Variants in SLC35F4 observed in about 807,000 individuals in gnomAD.
SLC35F4 encodes the protein chromosome 14 open reading frame 36.
SLC35F4 carries 24 observed loss-of-function variants against 44.2 expected under a neutral mutation model. That is an observed-to-expected ratio of 0.54 (90% CI 0.39 to 0.76). The LOEUF (loss-of-function observed/expected upper bound fraction) is 0.76. SLC35F4 is among the 30% of genes least tolerant of loss of function. The pLI is 0.00. For synonymous variants in SLC35F4, 238 were observed against 223.6 expected, an observed-to-expected ratio of 1.06 and a Z score of -0.57; for missense variants, 562 against 586.1, an observed-to-expected ratio of 0.96 and a Z score of 0.42.
At chr14:57,930,589 G>A (rs1189518078) in intron 1 of SLC35F4, among the ~76,000 whole-genome samples, 3 of 152,114 alleles carry the variant, frequency 2.0e-5, no homozygotes, top group Non-Finnish European at 2.9e-5. Context: ...CCAGATAAAT[G>A]TTTGGGTTTT....
chr14:57,858,942 A>AT (rs1376057295), intron 1 of SLC35F4, among the ~76,000 whole-genome samples: 4 of 151,500 alleles, frequency 2.6e-5, no homozygotes, highest in African/African-American at 7.3e-5. Flanking sequence ...CTAAAAAAAA[A>AT]AAAAAAAAAT....
chr14:57,913,565 C>T (rs1889258435), intron 1 of SLC35F4, among the ~76,000 whole-genome samples: 2 of 152,056 alleles, frequency 1.3e-5, no homozygotes, highest in Non-Finnish European at 2.9e-5. Context: ...TGTAATCTAT[C>T]GCAGCATAAT....
chr14:57,778,160 G>C (rs1393117346), intron 1 of SLC35F4, among the ~76,000 whole-genome samples: 1 of 152,166 alleles, frequency 6.6e-6, no homozygotes, highest in Non-Finnish European at 1.5e-5. Flanking sequence ...CTCTTTGCCT[G>C]CTGTCATCCA....
chr14:57,881,736 G>A (rs1320545177), intron 1 of SLC35F4, among the ~76,000 whole-genome samples: 1 of 152,098 alleles, frequency 6.6e-6, no homozygotes, highest in African/African-American at 2.4e-5. Context: ...TCTTTATTTT[G>A]TCTGACTAAT....
intron 1 of SLC35F4, among the ~76,000 whole-genome samples, chr14:57,807,398 G>A (rs571191516): frequency 1.4e-4 from 21 of 151,926 alleles, no homozygotes; most frequent in Non-Finnish European, 1.9e-4. Flanking sequence ...AGCCAAAGCC[G>A]TTGCCTCCCT....
chr14:57,779,780 C>A (rs942031725), intron 1 of SLC35F4, among the ~76,000 whole-genome samples: 2 of 151,776 alleles, frequency 1.3e-5, no homozygotes, highest in Admixed American at 1.3e-4. Flanking sequence ...GGTTCAACAC[C>A]AATAAAATCG....
At position 57,707,830 on chromosome 14, in the gene SLC35F4, C is replaced by A. The variant is rs187038601; in HGVS notation, c.104-113706G>T. On this transcript the variant is annotated intron_variant, in intron 1 of 7. Transcript: ENST00000556826. The stretch of plus-strand genomic sequence containing the variant: ...AGGAAATTATGACAGTGAAAGAAAC[C>A]AGACCTAACTGATTCCATCTTGCTT... Among the ~76,000 whole-genome samples, 231 of 152,266 alleles carry A rather than the reference C, an allele frequency of 1.5e-3. 1 individual carries two copies. Among genetic ancestry groups the A allele is most frequent in the African/African-American group, 5.1e-3 (211 of 41,550 alleles).
At chr14:57,781,539 T>C (rs1399642771) in intron 1 of SLC35F4, among the ~76,000 whole-genome samples, 5 of 152,192 alleles carry the variant, frequency 3.3e-5, no homozygotes. Flanking sequence ...GAGCTCATAT[T>C]TGACCCAGCA....
intron 1 of SLC35F4, among the ~76,000 whole-genome samples, chr14:57,913,792 A>C (rs67969797): frequency 0.26 from 39,202 of 152,096 alleles, 5,192 homozygotes; most frequent in East Asian, 0.41. Flanking sequence ...CTTTATGTAC[A>C]TCTGAGTTTC....
chr14:57,655,452 G>C (rs2073935879), intron 1 of SLC35F4, among the ~76,000 whole-genome samples: 1 of 152,070 alleles, frequency 6.6e-6, no homozygotes, highest in Non-Finnish European at 1.5e-5. Flanking sequence ...GGGCTTCCCT[G>C]TCCTCAGCGC....
At chr14:57,670,061 G>T (rs543470612) in intron 1 of SLC35F4, among the ~76,000 whole-genome samples, 1 of 152,134 alleles carries the variant, frequency 6.6e-6, no homozygotes, top group Non-Finnish European at 1.5e-5. Context: ...AGTCTTGGGA[G>T]AGTGTATGTG....
intron 1 of SLC35F4, among the ~76,000 whole-genome samples, chr14:57,741,633 G>A (rs1164897433): frequency 6.6e-6 from 1 of 152,146 alleles, no homozygotes; most frequent in Non-Finnish European, 1.5e-5. Flanking sequence ...AAAGTGACTG[G>A]GAGAATGGAA....
intron 1 of SLC35F4, among the ~76,000 whole-genome samples, chr14:57,779,885 C>A: frequency 6.6e-6 from 1 of 152,180 alleles, no homozygotes. Context: ...ACTCAACACC[C>A]CTTCGTATTA....
chr14:57,569,381 T>G (rs781638260), intron 6 of SLC35F4, among the ~76,000 whole-genome samples: 1 of 152,114 alleles, frequency 6.6e-6, no homozygotes, highest in African/African-American at 2.4e-5. Context: ...TCTTCCAAAC[T>G]CAGTGCTCCC....
At chr14:57,949,566 G>T (rs1890097722) in intron 1 of SLC35F4, among the ~76,000 whole-genome samples, 1 of 152,074 alleles carries the variant, frequency 6.6e-6, no homozygotes, top group South Asian at 2.1e-4. Flanking sequence ...TATTCATCAT[G>T]CTAGTTGTTG....
intron 1 of SLC35F4, among the ~76,000 whole-genome samples, chr14:57,598,794 A>T (rs2070641073): frequency 6.6e-6 from 1 of 152,178 alleles, no homozygotes; most frequent in Non-Finnish European, 1.5e-5. Context: ...CCAAATCGTG[A>T]AGCAAACACC....
rs973186897 is a variant in SLC35F4, at chr14:57,945,795, A to G, written n.282+36118T>C. Among the ~76,000 whole-genome samples the G allele has an allele frequency of 2.0e-5, 3 of 151,802 alleles. No individual in the cohort carries two copies. In the East Asian group the frequency reaches 5.8e-4, roughly 29 times the overall value. On this transcript the variant is annotated intron_variant and non_coding_transcript_variant, in intron 1 of 1. Transcript: ENST00000556568. ...GCATGCCAACATCTATTATTTTTTT[A>G]TTTTTTGATTATGACCATTCTTGCA...
rs183839349 is a variant in SLC35F4, at chr14:57,649,081, C to A, written c.104-54957G>T. ...AAGATCACTCCTCAGAGATGCCTTC[C>A]TGATCCTTAACCTAAATCAGCTCCT... is the stretch of plus-strand genomic sequence containing the variant. On this transcript the variant is annotated intron_variant, in intron 1 of 7. Transcript: ENST00000556826. Among the ~76,000 whole-genome samples, 46 of 152,306 alleles carry A rather than the reference C, an allele frequency of 3.0e-4. No homozygotes were observed. In the South Asian group the frequency reaches 6.4e-3, roughly 21 times the overall value.
At chr14:57,568,605 T>C (rs1320764314) in intron 6 of SLC35F4, among the ~76,000 whole-genome samples, 1 of 152,158 alleles carries the variant, frequency 6.6e-6, no homozygotes, top group Admixed American at 6.6e-5. Flanking sequence ...TTGAGTGTTT[T>C]CTGTCGAAGA....
Sources: gnomAD v4.1 joint callset for allele counts (sites outside exome capture counted in the v4.1 genomes callset) on GRCh38, gnomAD v4.1.1 for gene constraint, MANE v1.5 for transcripts, NCBI Gene and HGNC (gene_info 2026-07-23, HGNC 2026-07-21) for gene names.